The following ADAMTSL1 variants were observed in gnomAD, a reference collection of about 807,000 sequenced individuals.
ADAMTSL1 encodes ADAMTS like 1, also known as ADAMTS-like protein 1.
In ADAMTSL1, 126 loss-of-function variants were observed where a neutral mutation model predicts 201.8. The observed-to-expected ratio is 0.62, with a 90% CI of 0.54 to 0.72. ADAMTSL1 has a LOEUF of 0.72. Among genes scored for constraint, ADAMTSL1 ranks in the 30% least tolerant of loss-of-function variants. The pLI is 0.00. For synonymous variants in ADAMTSL1, 1,121 were observed against 903.4 expected (o/e 1.24, Z -4.32); for missense variants, 2,679 against 2,277.8 (o/e 1.18, Z -3.59).
At chr9:17,992,070 T>G (rs1481221554) in intron 1 of ADAMTSL1, among the ~76,000 whole-genome samples, 2 of 152,134 alleles carry the variant, frequency 1.3e-5, no homozygotes, top group African/African-American at 2.4e-5. Flanking sequence ...ATGTTTATTT[T>G]GCCCCTTCTG....
At chr9:18,807,557 AC>A (rs1441754145) in intron 20 of ADAMTSL1, among the ~76,000 whole-genome samples, 2 of 150,394 alleles carry the variant, frequency 1.3e-5, no homozygotes, top group Non-Finnish European at 3.0e-5. Flanking sequence ...AGGCGGGAGA[AC>A]CGGCGTGAAC....
Position 18,753,411 on chromosome 9 carries a change from T to C in ADAMTSL1, c.2120T>C (p.Leu707Pro). The C allele has an allele frequency of 6.2e-7, 1 of 1,613,384 alleles. No homozygotes were observed. Among genetic ancestry groups the C allele is most frequent in the Non-Finnish European group, 8.5e-7 (1 of 1,179,732 alleles). ...LSREMNETVI[L>P]ADELCRQPKP... Reference sequence around the variant, plus strand: ...AGAGAGATGAATGAAACAGTCATCCTGGCTGATGAGCTGTGTCGCCAGCCC... The same window carrying C: ...AGAGAGATGAATGAAACAGTCATCCCGGCTGATGAGCTGTGTCGCCAGCCC... Residue 707 changes from leucine to proline, a missense_variant, in exon 16 of 29, where the codon CTG becomes CCG. Transcript: ENST00000380548.
chr9:18,290,777 G>GTTTTTT (rs1563862777), intron 2 of ADAMTSL1, among the ~76,000 whole-genome samples: 100 of 134,682 alleles, frequency 7.4e-4, no homozygotes, highest in Non-Finnish European at 1.1e-3. Flanking sequence ...GGCTTTTTTT[G>GTTTTTT]TGTGTTTTTT....
intron 2 of ADAMTSL1, among the ~76,000 whole-genome samples, chr9:18,376,338 G>A (rs924868820): frequency 2.6e-5 from 4 of 152,144 alleles, no homozygotes; most frequent in African/African-American, 7.2e-5. Context: ...AAATGTCAAG[G>A]GCTGTCACAG....
intron 14 of ADAMTSL1, among the ~76,000 whole-genome samples, chr9:18,711,534 C>T (rs1220037642): frequency 6.6e-6 from 1 of 152,274 alleles, no homozygotes; most frequent in Non-Finnish European, 1.5e-5. Context: ...CTGCGCTTTT[C>T]CGACGGGCTT....
chr9:18,151,256 G>C (rs1158408999), intron 1 of ADAMTSL1, among the ~76,000 whole-genome samples: 1 of 152,034 alleles, frequency 6.6e-6, no homozygotes, highest in Non-Finnish European at 1.5e-5. Context: ...TTACACAACT[G>C]TAATGTGGGG....
chr9:18,512,834 A>C (rs1402739890), intron 2 of ADAMTSL1, among the ~76,000 whole-genome samples: 2 of 152,184 alleles, frequency 1.3e-5, no homozygotes, highest in Non-Finnish European at 2.9e-5. Flanking sequence ...TACAGTGCTT[A>C]GCACACAGCA....
intron 2 of ADAMTSL1, among the ~76,000 whole-genome samples, chr9:18,199,694 A>G (rs933294974): frequency 1.3e-5 from 2 of 152,078 alleles, no homozygotes; most frequent in African/African-American, 4.8e-5. Context: ...GCTGGTGGAT[A>G]TATTTGAGTT....
chr9:18,123,261 T>C (rs1484647537), intron 1 of ADAMTSL1, among the ~76,000 whole-genome samples: 1 of 152,220 alleles, frequency 6.6e-6, no homozygotes, highest in Non-Finnish European at 1.5e-5. Context: ...TGCATTTCAG[T>C]TTTCATCACA....
chr9:18,512,963 A>C (rs2131980829), intron 2 of ADAMTSL1, among the ~76,000 whole-genome samples: 1 of 152,324 alleles, frequency 6.6e-6, no homozygotes, highest in African/African-American at 2.4e-5. Flanking sequence ...ACATCTCTAC[A>C]AAAGAATTGG....
chr9:17,962,260 G>A (rs534298565), intron 1 of ADAMTSL1, among the ~76,000 whole-genome samples: 6 of 152,254 alleles, frequency 3.9e-5, no homozygotes, highest in African/African-American at 1.4e-4. Flanking sequence ...AACTGGGAGG[G>A]CAAGGAAGCC....
chr9:18,446,971 A>T (rs1265031533), intron 2 of ADAMTSL1, among the ~76,000 whole-genome samples: 1 of 148,560 alleles, frequency 6.7e-6, no homozygotes, highest in Non-Finnish European at 1.5e-5. Context: ...TAACATGAAC[A>T]TTTTTTTTTT....
intron 8 of ADAMTSL1, among the ~76,000 whole-genome samples, chr9:18,659,122 C>G (rs1463979001): frequency 6.6e-6 from 1 of 152,108 alleles, no homozygotes; most frequent in Non-Finnish European, 1.5e-5. Flanking sequence ...TTCATAGAAG[C>G]CAGTTAATTG....
intron 2 of ADAMTSL1, among the ~76,000 whole-genome samples, chr9:18,183,600 A>G (rs1828598251): frequency 6.6e-6 from 1 of 152,220 alleles, no homozygotes; most frequent in South Asian, 2.1e-4. Context: ...CAGTTGGCAA[A>G]TAAGCATATA....
At chr9:18,079,638 C>T (rs1823390453) in intron 1 of ADAMTSL1, among the ~76,000 whole-genome samples, 1 of 151,124 alleles carries the variant, frequency 6.6e-6, no homozygotes, top group Non-Finnish European at 1.5e-5. Context: ...GCCGAGATCG[C>T]ACCACTGCAC....
chr9:18,482,341 T>C (rs1821770776), intron 1 of ADAMTSL1, among the ~76,000 whole-genome samples: 1 of 152,214 alleles, frequency 6.6e-6, no homozygotes, highest in Non-Finnish European at 1.5e-5. Context: ...ATAAGTGGTA[T>C]GTTTGCCAAT....
chr9:18,742,818 G>A (rs759534829), intron 15 of ADAMTSL1, among the ~76,000 whole-genome samples: 1 of 152,164 alleles, frequency 6.6e-6, no homozygotes, highest in African/African-American at 2.4e-5. Context: ...ATATAAAATA[G>A]AGACAAACTG....
intron 1 of ADAMTSL1, among the ~76,000 whole-genome samples, chr9:18,162,440 G>A (rs1827435154): frequency 6.6e-6 from 1 of 151,986 alleles, no homozygotes; most frequent in Non-Finnish European, 1.5e-5. Context: ...GCAAGTGTGT[G>A]TGACAGCAGA....
chr9:18,439,657 T>C (rs1210205468), intron 2 of ADAMTSL1, among the ~76,000 whole-genome samples: 1 of 152,164 alleles, frequency 6.6e-6, no homozygotes, highest in Non-Finnish European at 1.5e-5. Flanking sequence ...GAGCCACTGC[T>C]CCTGGCTTAT....
Sources: gnomAD v4.1 joint callset for allele counts (sites outside exome capture counted in the v4.1 genomes callset) on GRCh38, gnomAD v4.1.1 for gene constraint, MANE v1.5 for transcripts, NCBI Gene and HGNC (gene_info 2026-07-23, HGNC 2026-07-21) for gene names.